Variants in FAM110B observed in about 807,000 individuals in gnomAD.
The protein encoded by FAM110B is family with sequence similarity 110 member B.
In FAM110B, 6 loss-of-function variants were observed where a neutral mutation model predicts 20.4. The ratio of observed to expected loss-of-function variants is 0.29; its 90% CI spans 0.16 to 0.58. The LOEUF is 0.58. Among genes scored for constraint, FAM110B ranks in the 20% least tolerant of loss-of-function variants. The pLI is 0.90. For synonymous variants in FAM110B, 226 were observed against 214.1 expected, an observed-to-expected ratio of 1.06 and a Z score of -0.49; for missense variants, 434 against 498.2, an observed-to-expected ratio of 0.87 and a Z score of 1.23.
At chr8:58,112,263 A>T (rs753290127) in intron 3 of FAM110B, among the ~76,000 whole-genome samples, 4 of 152,322 alleles carry the variant, frequency 2.6e-5, no homozygotes, top group Non-Finnish European at 5.9e-5. Flanking sequence ...CAGGAGGCGG[A>T]GGTTGCAGTG....
At chr8:58,106,031 A>G (rs984667378) in intron 3 of FAM110B, among the ~76,000 whole-genome samples, 1 of 152,202 alleles carries the variant, frequency 6.6e-6, no homozygotes, top group African/African-American at 2.4e-5. Context: ...TTGAATTAGA[A>G]CAAAAGTGTC....
intron 2 of FAM110B, among the ~76,000 whole-genome samples, chr8:58,046,070 G>A (rs1295463303): frequency 2.6e-5 from 4 of 152,056 alleles, no homozygotes; most frequent in Non-Finnish European, 5.9e-5. Context: ...ATCTCCCAAA[G>A]GCCCCATGTT....
intron 3 of FAM110B, among the ~76,000 whole-genome samples, chr8:58,079,380 G>A (rs1282260393): frequency 3.9e-5 from 6 of 152,162 alleles, no homozygotes; most frequent in African/African-American, 1.4e-4. Context: ...GGTAGATCTA[G>A]GGATAGTCTC....
At chr8:58,100,562 C>T (rs1266647059) in intron 3 of FAM110B, among the ~76,000 whole-genome samples, 2 of 152,230 alleles carry the variant, frequency 1.3e-5, no homozygotes, top group Non-Finnish European at 2.9e-5. Context: ...CCTCTCCCAG[C>T]TTCTGCTGGT....
At chr8:57,998,772 G>C (rs1482906947) in intron 1 of FAM110B, among the ~76,000 whole-genome samples, 1 of 152,142 alleles carries the variant, frequency 6.6e-6, no homozygotes, top group African/African-American at 2.4e-5. Context: ...ACATCCAAAC[G>C]ATTACAGATA....
At chr8:58,067,528 T>C (rs1198070499) in intron 2 of FAM110B, among the ~76,000 whole-genome samples, 2 of 152,168 alleles carry the variant, frequency 1.3e-5, no homozygotes, top group African/African-American at 4.8e-5. Context: ...GAATATCTTT[T>C]GCCACACTCC....
At chr8:58,099,484 A>C (rs918905327) in intron 3 of FAM110B, among the ~76,000 whole-genome samples, 4 of 152,238 alleles carry the variant, frequency 2.6e-5, no homozygotes, top group African/African-American at 9.6e-5. Flanking sequence ...AACACGTTTA[A>C]CTTCAGCATA....
chr8:58,142,279 A>G (rs1161039301), intron 3 of FAM110B, among the ~76,000 whole-genome samples: 1 of 152,088 alleles, frequency 6.6e-6, no homozygotes, highest in African/African-American at 2.4e-5. Flanking sequence ...TCCTGTTGCT[A>G]CTCAAAGGCA....
intron 3 of FAM110B, among the ~76,000 whole-genome samples, chr8:58,139,755 C>T (rs62513500): frequency 0.11 from 16,054 of 151,884 alleles, 1,101 homozygotes; most frequent in Non-Finnish European, 0.15. Flanking sequence ...GGTGAAACCC[C>T]GTCTCTACTA....
Position 58,146,866 on chromosome 8 carries a change from C to T in FAM110B, c.636C>T (p.Leu212=), listed in dbSNP as rs776257329. The change falls in exon 4 of 4, where the codon CTC becomes CTT. Residue 212 remains leucine, a synonymous_variant. Coordinates refer to ENST00000519262, the MANE Select transcript of FAM110B (RefSeq NM_001377989.1). ...GCAAGGTGACCAGCGTGAAGCCCCT[C>T]AAGGCCATCCCCTGCAGTAGCTCTG... The part of the protein sequence containing the change: ...DIRKVTSVKP[L]KAIPCSSSAP... The T allele has an allele frequency of 4.3e-6, 7 of 1,613,920 alleles. No individual in the cohort carries two copies. The highest frequency in any genetic ancestry group is 5.1e-6 in the Non-Finnish European group (6 of 1,179,986).
chr8:58,119,250 A>G (rs1469612698), intron 3 of FAM110B, among the ~76,000 whole-genome samples: 3 of 152,182 alleles, frequency 2.0e-5, no homozygotes, highest in African/African-American at 7.2e-5. Flanking sequence ...GTAATTTGTA[A>G]ACAACAGAAG....
At chr8:58,064,270 G>A (rs186244557) in intron 2 of FAM110B, among the ~76,000 whole-genome samples, 23 of 152,192 alleles carry the variant, frequency 1.5e-4, no homozygotes, top group Middle Eastern at 3.4e-3. Context: ...GGATACCATG[G>A]TAAACACCTT....
At chr8:58,083,787 G>A (rs1806264612) in intron 3 of FAM110B, among the ~76,000 whole-genome samples, 1 of 152,146 alleles carries the variant, frequency 6.6e-6, no homozygotes, top group African/African-American at 2.4e-5. Flanking sequence ...GTGAAATGGG[G>A]ATTAAGAACC....
At chr8:58,086,232 G>A (rs1201558622) in intron 3 of FAM110B, among the ~76,000 whole-genome samples, 2 of 152,056 alleles carry the variant, frequency 1.3e-5, no homozygotes, top group African/African-American at 4.8e-5. Flanking sequence ...ACTTTTAGCA[G>A]TCTTTGGTCA....
intron 1 of FAM110B, among the ~76,000 whole-genome samples, chr8:58,029,319 A>G (rs977044217): frequency 6.6e-6 from 1 of 152,234 alleles, no homozygotes; most frequent in Non-Finnish European, 1.5e-5. Context: ...TGAATAAGAC[A>G]GGGAAACTAT....
intron 1 of FAM110B, among the ~76,000 whole-genome samples, chr8:58,008,821 C>T (rs907837250): frequency 6.6e-6 from 1 of 152,142 alleles, no homozygotes; most frequent in African/African-American, 2.4e-5. Context: ...GGCCAGTATC[C>T]GCAGACTGTG....
chr8:58,120,207 G>A lies in FAM110B; in HGVS notation c.-324-25700G>A, dbSNP rs566469736. 1.3e-4 allele frequency among the ~76,000 whole-genome samples: 20 copies of A among 152,290 alleles called. No individual in the cohort carries two copies. In the East Asian group the frequency reaches 1.4e-3, roughly 10 times the overall value. ...TTATTTCAAATACCTGGTCCACAGC[G>A]TACAGTTTTCTTAATGAGATTGCTT... On this transcript the variant is annotated intron_variant, in intron 3 of 3. Coordinates refer to ENST00000519262, the MANE Select transcript of FAM110B (RefSeq NM_001377989.1).
chr8:58,091,506 G>A (rs1806476864), intron 3 of FAM110B: 1 of 152,082 alleles, frequency 6.6e-6, no homozygotes. Flanking sequence ...TGTCTCTCAG[G>A]ATTCCACCTC....
At chr8:58,078,380 C>G (rs1006210735) in intron 3 of FAM110B, among the ~76,000 whole-genome samples, 2 of 152,164 alleles carry the variant, frequency 1.3e-5, no homozygotes, top group Non-Finnish European at 2.9e-5. Context: ...AAGGAATACA[C>G]AAACACCAAT....
Sources: gnomAD v4.1 joint callset for allele counts (sites outside exome capture counted in the v4.1 genomes callset) on GRCh38, gnomAD v4.1.1 for gene constraint, MANE v1.5 for transcripts, NCBI Gene and HGNC (gene_info 2026-07-23, HGNC 2026-07-21) for gene names.